The following PUS7 variants were observed in gnomAD, a reference collection of about 807,000 sequenced individuals.
The protein encoded by PUS7 is pseudouridylate synthase 7 homolog.
A neutral mutation model predicts 79.8 loss-of-function variants in PUS7; 48 were observed. The ratio of observed to expected loss-of-function variants is 0.60; its 90% CI spans 0.48 to 0.76. The LOEUF (loss-of-function observed/expected upper bound fraction) is 0.76. PUS7 is among the 30% of genes least tolerant of loss of function. PUS7 has a pLI of 0.00. For synonymous variants in PUS7, 286 were observed against 272.2 expected (o/e 1.05, Z -0.50); for missense variants, 729 against 797.6 (o/e 0.91, Z 1.04).
At chr7:105,468,230 A>G (rs2133066117) in intron 12 of PUS7, 107 bp downstream of exon 12, 3 of 1,449,378 alleles carry the variant, frequency 2.1e-6, no homozygotes, top group Non-Finnish European at 2.8e-6. Flanking sequence ...ACCGTGCCTC[A>G]CCACATCTCT....
chr7:105,512,497 T>C (rs570487659), intron 1 of PUS7, among the ~76,000 whole-genome samples: 2 of 152,102 alleles, frequency 1.3e-5, no homozygotes, highest in Non-Finnish European at 2.9e-5. Flanking sequence ...GGGCCAAATT[T>C]TGTGGCATAA....
chr7:105,465,807 T>C (rs1008078675), intron 12 of PUS7, among the ~76,000 whole-genome samples: 2 of 151,596 alleles, frequency 1.3e-5, no homozygotes, highest in African/African-American at 4.9e-5. Context: ...CACTCCAGCC[T>C]GGGTGACAAG....
chr7:105,508,169 C>A lies in PUS7; in HGVS notation c.344G>T (p.Gly115Val). ...MKHGLTEADV[G>V]ITKFVSSHQG... ...ATGAGAACTCACAAACTTGGTGATG[C>A]CTACGTCAGCCTCAGTGAGTCCATG... Residue 115 changes from glycine to valine, a missense_variant, in exon 2 of 16, where the codon GGC (glycine) becomes GTC (valine). Coordinates refer to ENST00000469408, the MANE Select transcript of PUS7 (RefSeq NM_019042.5). The A allele has an allele frequency of 6.2e-7, 1 of 1,614,126 alleles. No homozygotes were observed. The highest frequency in any genetic ancestry group is 8.5e-7 in the Non-Finnish European group (1 of 1,180,018).
intron 9 of PUS7, among the ~76,000 whole-genome samples, chr7:105,477,559 C>CT (rs1276721912): frequency 6.6e-6 from 1 of 151,950 alleles, no homozygotes. Context: ...GGCTCACTTT[C>CT]TTTTTTTCAA....
chr7:105,509,184 C>CAGAAAAAAAA (rs1825605649), intron 1 of PUS7, among the ~76,000 whole-genome samples: 1 of 55,718 alleles, frequency 1.8e-5, no homozygotes, highest in Non-Finnish European at 2.8e-5. Context: ...GACTCCATCT[C>CAGAAAAAAAA]AAAAAAAAAA....
intron 12 of PUS7, among the ~76,000 whole-genome samples, chr7:105,467,568 G>C (rs1823709287): frequency 1.3e-5 from 2 of 151,866 alleles, no homozygotes; most frequent in Non-Finnish European, 2.9e-5. Flanking sequence ...GATTACAGGT[G>C]TGAGCCACTG....
At chr7:105,510,757 T>C (rs1586177367) in intron 1 of PUS7, among the ~76,000 whole-genome samples, 2 of 151,968 alleles carry the variant, frequency 1.3e-5, no homozygotes, top group Admixed American at 1.3e-4. Context: ...TCAAGTGATC[T>C]TCCCACACTG....
Position 105,456,694 on chromosome 7 carries a change from C to T in PUS7, c.*1096G>A, listed in dbSNP as rs1823201714. The stretch of plus-strand genomic sequence containing the variant: ...TTATGCAATGCCAGACATGGAAATA[C>T]CAAAGCCACTGGTGACAAAGGGTAA... On this transcript the variant is annotated 3_prime_UTR_variant, in exon 16 of 16. Transcript: ENST00000469408. 1 of 152,100 alleles carries T rather than the reference C, an allele frequency of 6.6e-6. No homozygotes were observed. Among genetic ancestry groups the T allele is most frequent in the Non-Finnish European group, 1.5e-5 (1 of 68,022 alleles). 9.4% of individuals were successfully genotyped at this position (152,100 alleles called of 1,614,324 possible).
intron 4 of PUS7, among the ~76,000 whole-genome samples, chr7:105,505,032 G>A (rs1022590660): frequency 2.2e-5 from 3 of 136,482 alleles, no homozygotes; most frequent in Admixed American, 7.4e-5. Flanking sequence ...ATGGAGTCTC[G>A]CTCTGCCGCC....
intron 5 of PUS7, among the ~76,000 whole-genome samples, chr7:105,500,777 A>T (rs1825215340): frequency 6.6e-6 from 1 of 152,230 alleles, no homozygotes; most frequent in Non-Finnish European, 1.5e-5. Flanking sequence ...AACTGAACCA[A>T]CAGTGGCTCC....
At chr7:105,510,785 G>A (rs990879337) in intron 1 of PUS7, among the ~76,000 whole-genome samples, 4 of 152,114 alleles carry the variant, frequency 2.6e-5, no homozygotes, top group African/African-American at 9.7e-5. Context: ...AAAGTGCTGG[G>A]ATTTCAGGCA....
chr7:105,466,567 C>G (rs1823651476), intron 12 of PUS7, among the ~76,000 whole-genome samples: 1 of 151,936 alleles, frequency 6.6e-6, no homozygotes, highest in African/African-American at 2.4e-5. Flanking sequence ...GTAAAATTTT[C>G]AATGAAAATT....
intron 1 of PUS7, among the ~76,000 whole-genome samples, chr7:105,514,328 G>A (rs1825811543): frequency 6.6e-6 from 1 of 151,860 alleles, no homozygotes; most frequent in Admixed American, 6.6e-5. Flanking sequence ...AAGCTGGCTG[G>A]GCACAGTGGC....
chr7:105,500,171 T>C (rs56384001), intron 5 of PUS7, among the ~76,000 whole-genome samples: 1,657 of 152,338 alleles, frequency 0.011, 33 homozygotes, highest in African/African-American at 0.037. Context: ...TCTGACTTCC[T>C]TCTTGCTTCT....
chr7:105,510,723 C>T (rs1825669180), intron 1 of PUS7, among the ~76,000 whole-genome samples: 1 of 152,090 alleles, frequency 6.6e-6, no homozygotes, highest in South Asian at 2.1e-4. Flanking sequence ...CCATGTTGGC[C>T]AGGCTGCTCT....
chr7:105,515,652 CAG>C (rs1457949649), intron 1 of PUS7, among the ~76,000 whole-genome samples: 1 of 151,970 alleles, frequency 6.6e-6, no homozygotes, highest in African/African-American at 2.4e-5. Flanking sequence ...TTTTTTGACA[CAG>C]AGTCTTGCTG....
chr7:105,503,870 C>T (rs1239391693), intron 4 of PUS7, among the ~76,000 whole-genome samples: 12 of 152,040 alleles, frequency 7.9e-5, no homozygotes, highest in Admixed American at 7.2e-4. Flanking sequence ...TGAATTCAAG[C>T]GATCTGCCCA....
chr7:105,459,139 ACACAGAG>A (rs1823312499), intron 15 of PUS7, 22 bp downstream of exon 15: 1 of 1,442,908 alleles, frequency 6.9e-7, no homozygotes, highest in Non-Finnish European at 9.6e-7. Context: ...TTCAAAGTCA[ACACAGAG>A]CTGATGACTG....
Position 105,472,101 on chromosome 7 carries a change from T to C in PUS7, c.1237+31A>G, listed in dbSNP as rs1369523712. On this transcript the variant is annotated intron_variant, in intron 10 of 15. Coordinates refer to ENST00000469408, the MANE Select transcript of PUS7 (RefSeq NM_019042.5). ...CATGAATACCTAGCCATACATTCTA[T>C]TTATTTTCTTAACATGAATTTTATT... The C allele has an allele frequency of 2.7e-6, 4 of 1,471,098 alleles. No homozygotes were observed. The East Asian group carries it at 9.1e-5, about 33-fold the overall frequency. The allele number at this position is 1,471,098 out of a possible 1,614,324, so 91.1% of individuals were successfully genotyped here. A position where few individuals can be genotyped will look rare whatever the true frequency, so the allele number is the denominator to read the frequency against.
Sources: gnomAD v4.1 joint callset for allele counts (sites outside exome capture counted in the v4.1 genomes callset) on GRCh38, gnomAD v4.1.1 for gene constraint, MANE v1.5 for transcripts, NCBI Gene and HGNC (gene_info 2026-07-23, HGNC 2026-07-21) for gene names.